The following TSHZ3 variants were observed in gnomAD, a reference collection of about 807,000 sequenced individuals.
The protein encoded by TSHZ3 is teashirt homolog 3.
A neutral mutation model predicts 64.5 loss-of-function variants in TSHZ3; 10 were observed. That is an observed-to-expected ratio of 0.16 (90% confidence interval 0.10 to 0.26). The LOEUF (loss-of-function observed/expected upper bound fraction) is 0.26. Ranked by LOEUF, TSHZ3 falls within the 10% of genes least tolerant of loss-of-function variation. TSHZ3 has a pLI of 1.00. For missense variants in TSHZ3, 1,242 were observed against 1,421.7 expected, an observed-to-expected ratio of 0.87 and a Z score of 2.03; for synonymous variants, 608 against 593.1, an observed-to-expected ratio of 1.03 and a Z score of -0.36.
chr19:31,266,721 A>G (rs1216819646), intron 1 of TSHZ3, among the ~76,000 whole-genome samples: 2 of 152,244 alleles, frequency 1.3e-5, no homozygotes, highest in Non-Finnish European at 2.9e-5. Context: ...GGAATAGAAT[A>G]AAATGCATTT....
At chr19:31,195,469 A>C (rs1481104655) in intron 5 of TSHZ3, 1 of 152,106 alleles carries the variant, frequency 6.6e-6, no homozygotes, top group African/African-American at 2.4e-5. Flanking sequence ...AGAAAAAGAA[A>C]CATCTTAAAA....
At chr19:31,292,623 C>T (rs1264428380) in intron 1 of TSHZ3, among the ~76,000 whole-genome samples, 3 of 152,138 alleles carry the variant, frequency 2.0e-5, no homozygotes, top group African/African-American at 7.2e-5. Context: ...ACACATCTAC[C>T]CATCCACCCA....
chr19:31,196,205 T>C (rs1275845454), intron 5 of TSHZ3, among the ~76,000 whole-genome samples: 1 of 151,934 alleles, frequency 6.6e-6, no homozygotes, highest in Non-Finnish European at 1.5e-5. Flanking sequence ...CATGAAGCAG[T>C]ATAGCAGTAT....
chr19:31,171,167 CCGCT>C, intron 5 of TSHZ3, among the ~76,000 whole-genome samples: 1 of 152,156 alleles, frequency 6.6e-6, no homozygotes, highest in Admixed American at 6.5e-5. Flanking sequence ...TGCCAGTACC[CCGCT>C]TGGTAGCCTT....
At chr19:31,349,892 G>A (rs1387805097), upstream of TSHZ3, among the ~76,000 whole-genome samples, 1 of 146,344 alleles carries the variant, frequency 6.8e-6, no homozygotes, top group Non-Finnish European at 1.5e-5. Context: ...GCCCGCCCGC[G>A]GGGGCGCCGC....
At chr19:31,341,979 G>A (rs566670106) in intron 1 of TSHZ3, among the ~76,000 whole-genome samples, 17 of 152,254 alleles carry the variant, frequency 1.1e-4, no homozygotes, top group Non-Finnish European at 1.8e-4. Flanking sequence ...AACACAGCTC[G>A]AATAAACTGT....
chr19:31,195,001 C>T (rs916282102), intron 5 of TSHZ3, among the ~76,000 whole-genome samples: 2 of 151,954 alleles, frequency 1.3e-5, no homozygotes, highest in Non-Finnish European at 2.9e-5. Context: ...AATCTCTGAG[C>T]TTCAAAGGTA....
In TSHZ3 at chr19:31,224,081, C is replaced by T. The variant is rs117267526; in HGVS notation, n.686+3924G>A. 1.9e-3 allele frequency among the ~76,000 whole-genome samples: 282 copies of T among 152,282 alleles called. 5 individuals carry two copies. The East Asian group carries it at 0.047, about 25-fold the overall frequency. ...CCTTGGAGCACACAGGCATGGAATC[C>T]GGTAGGAGTACAGTTACTATTTACA... On this transcript the variant is annotated intron_variant and non_coding_transcript_variant, in intron 4 of 6. Coordinates refer to the TSHZ3 transcript ENST00000651361.
At chr19:31,284,867 G>C (rs778814166) in intron 1 of TSHZ3, among the ~76,000 whole-genome samples, 1 of 152,048 alleles carries the variant, frequency 6.6e-6, no homozygotes, top group Admixed American at 6.5e-5. Flanking sequence ...TCAATGGGAC[G>C]AATGAATGAA....
At chr19:31,155,694 C>T (rs1210560317) in intron 6 of TSHZ3, among the ~76,000 whole-genome samples, 1 of 152,158 alleles carries the variant, frequency 6.6e-6, no homozygotes, top group Non-Finnish European at 1.5e-5. Context: ...CAGACACACA[C>T]CCAAGTTCTC....
chr19:31,206,969 A>T (rs865901287), intron 4 of TSHZ3, among the ~76,000 whole-genome samples: 1 of 152,172 alleles, frequency 6.6e-6, no homozygotes, highest in East Asian at 1.9e-4. Context: ...TCCTTTTCTA[A>T]TTTTTTTAGT....
chr19:31,279,508 G>A lies in TSHZ3; in HGVS notation c.285C>T (p.Asn95=), dbSNP rs747891173. ...CCGTGACCTCCTTGGTCTCCTCTTC[G>A]TTCTTGATGGAGCCGCTTTCAAAGT... The part of the protein sequence containing the change: ...MADFESGSIK[N]EEETKEVTVP... The change falls in exon 2 of 2, where the codon AAC becomes AAT. Residue 95 remains asparagine, a synonymous_variant. Transcript: ENST00000240587. This position sits in a 1 kb window ranked among gnomAD's most constrained non-coding sequence, Gnocchi z 6.4. 28 of 1,613,312 alleles carry A rather than the reference G, an allele frequency of 1.7e-5. No individual in the cohort carries two copies. The highest frequency in any genetic ancestry group is 2.2e-5 in the Non-Finnish European group (26 of 1,179,354).
downstream of TSHZ3, among the ~76,000 whole-genome samples, chr19:31,270,316 A>T (rs1430804561): frequency 2.0e-5 from 3 of 152,196 alleles, no homozygotes; most frequent in Non-Finnish European, 4.4e-5. Flanking sequence ...AAATCATGGT[A>T]TAGAAAGCAT....
At chr19:31,348,693 A>G (rs931887211) in intron 1 of TSHZ3, among the ~76,000 whole-genome samples, 2 of 152,228 alleles carry the variant, frequency 1.3e-5, no homozygotes, top group Non-Finnish European at 2.9e-5. Flanking sequence ...TTTGGGCCCA[A>G]GAAATGAGGA....
intron 1 of TSHZ3, among the ~76,000 whole-genome samples, chr19:31,331,090 C>G (rs924871293): frequency 6.6e-6 from 1 of 152,144 alleles, no homozygotes; most frequent in Non-Finnish European, 1.5e-5. Context: ...CCCCCTCCTT[C>G]CCTCTAAGGA....
At chr19:31,192,598 G>A (rs1372704557) in intron 5 of TSHZ3, among the ~76,000 whole-genome samples, 1 of 152,116 alleles carries the variant, frequency 6.6e-6, no homozygotes, top group African/African-American at 2.4e-5. Context: ...TGTTAGTATT[G>A]TAGTATATTT....
At chr19:31,213,863 C>T (rs914035355) in intron 4 of TSHZ3, among the ~76,000 whole-genome samples, 2 of 152,238 alleles carry the variant, frequency 1.3e-5, no homozygotes, top group East Asian at 1.9e-4. Context: ...TCTTCTGAGC[C>T]TCGAGCTGCC....
intron 5 of TSHZ3, among the ~76,000 whole-genome samples, chr19:31,170,681 C>G (rs1473973345): frequency 6.6e-6 from 1 of 152,204 alleles, no homozygotes; most frequent in Non-Finnish European, 1.5e-5. Context: ...AAGTAACCTA[C>G]AAAACACCTG....
rs76512809 is a variant in TSHZ3 at position 31,158,750 on chromosome 19, A to C, written n.810-2333T>G. The stretch of plus-strand genomic sequence containing the variant: ...TGCAACTAGGTGGCCCCATATGGGG[A>C]TGATGGAAGATGGTGACAGATCATC... On this transcript the variant is annotated intron_variant and non_coding_transcript_variant, in intron 5 of 6. Transcript: ENST00000651361. Among the ~76,000 whole-genome samples the C allele has an allele frequency of 4.2e-3, 638 of 152,226 alleles. 3 individuals carry two copies. The highest frequency in any genetic ancestry group is 0.013 in the African/African-American group (540 of 41,518).
Sources: gnomAD v4.1 joint callset for allele counts (sites outside exome capture counted in the v4.1 genomes callset) on GRCh38, gnomAD v4.1.1 for gene constraint, Gnocchi (gnomAD v3.1) non-coding constraint, MANE v1.5 for transcripts, NCBI Gene and HGNC (gene_info 2026-07-23, HGNC 2026-07-21) for gene names.